The following ASL variants were observed in gnomAD, a reference collection of about 807,000 sequenced individuals.
ASL encodes the protein argininosuccinate lyase.
In ASL, 51 loss-of-function variants were observed where a neutral mutation model predicts 69.1. The ratio of observed to expected loss-of-function variants is 0.74; its 90% CI spans 0.59 to 0.93. The LOEUF (loss-of-function observed/expected upper bound fraction) is 0.93, where lower values mean the gene tolerates loss of function less well. ASL is among the 40% of genes least tolerant of loss of function. ASL has a pLI of 0.00. For missense variants in ASL, 540 were observed against 623.9 expected, an observed-to-expected ratio of 0.87 and a Z score of 1.43; for synonymous variants, 241 against 247.6, an observed-to-expected ratio of 0.97 and a Z score of 0.25.
intron 9 of ASL, 22 bp from the exon 10 acceptor site, chr7:66,087,707 C>G: frequency 6.2e-7 from 1 of 1,614,050 alleles, no homozygotes; most frequent in Non-Finnish European, 8.5e-7. Flanking sequence ...CAGCTTAGCC[C>G]TGCTTCCTCC....
chr7:66,076,984 G>C (rs1786365357), intron 2 of ASL, among the ~76,000 whole-genome samples: 1 of 152,166 alleles, frequency 6.6e-6, no homozygotes, highest in South Asian at 2.1e-4. Flanking sequence ...GGTAGGGCCT[G>C]GACTTTGGAG....
At chr7:66,082,816 G>A in intron 4 of ASL, 64 bp from the exon 5 acceptor site, 1 of 1,603,112 alleles carries the variant, frequency 6.2e-7, no homozygotes, top group Non-Finnish European at 8.5e-7. Context: ...GAGGAAAACT[G>A]CCCTGCCTGG....
chr7:66,083,061 TCTC>T lies in ASL; in HGVS notation c.349-10_349-8del. The stretch of plus-strand genomic sequence containing the variant: ...AACACATCGGCCTCCCTGAGCACCA[TCTC>T]CTCCTTGCACAGGTGGTCACAGACC... On this transcript the variant is annotated splice_polypyrimidine_tract_variant and intron_variant, in intron 5 of 16. Transcript: ENST00000304874. The T allele has an allele frequency of 6.2e-7, 1 of 1,613,598 alleles. No homozygotes were observed. The highest frequency in any genetic ancestry group is 8.5e-7 in the Non-Finnish European group (1 of 1,179,906).
chr7:66,079,871 G>C lies in ASL; in HGVS notation c.13-1932G>C, dbSNP rs530394015. 7.2e-5 allele frequency among the ~76,000 whole-genome samples: 11 copies of C among 152,110 alleles called. No homozygotes were observed. The South Asian group carries it at 2.3e-3, about 32-fold the overall frequency. On this transcript the variant is annotated intron_variant, in intron 2 of 16. Coordinates refer to ENST00000304874, the MANE Select transcript of ASL (RefSeq NM_000048.4). Reference sequence around the variant, plus strand: ...CTGACCTCATGATCCACCCACCTTAGCCTTCCAAAATGCTGGGATTACAGG... The same window carrying C: ...CTGACCTCATGATCCACCCACCTTACCCTTCCAAAATGCTGGGATTACAGG...
intron 2 of ASL, among the ~76,000 whole-genome samples, chr7:66,076,901 C>T (rs745397239): frequency 2.0e-5 from 3 of 152,200 alleles, no homozygotes; most frequent in Admixed American, 6.5e-5. Flanking sequence ...CCTTCATTAG[C>T]TAGCAATTCA....
rs1302228505 is a variant in ASL, at chr7:66,082,877, C to T, written c.292-3C>T. The stretch of plus-strand genomic sequence containing the variant: ...GTGACCCTGGGTCTCCCTTCACCTC[C>T]AGGAGCTCATTGGTGCAACGGCAGG... On this transcript the variant is annotated splice_polypyrimidine_tract_variant and splice_region_variant and intron_variant, in intron 4 of 16. Coordinates refer to ENST00000304874, the MANE Select transcript of ASL (RefSeq NM_000048.4). The T allele has an allele frequency of 2.5e-6, 4 of 1,613,588 alleles. No individual in the cohort carries two copies. In the African/African-American group the frequency reaches 5.3e-5, roughly 22 times the overall value.
At chr7:66,092,135 C>G (rs1369140298) in intron 15 of ASL, 49 bp downstream of exon 15, 3 of 1,596,586 alleles carry the variant, frequency 1.9e-6, no homozygotes, top group Non-Finnish European at 2.6e-6. Context: ...GGTGCCCCCC[C>G]CAGAGGGTGG....
intron 9 of ASL, 49 bp downstream of exon 9, chr7:66,087,435 G>T (rs773016193): frequency 1.9e-6 from 3 of 1,591,286 alleles, no homozygotes; most frequent in South Asian, 1.1e-5. Flanking sequence ...CTCAGCACCC[G>T]CCAAGACCTG....
Position 66,093,106 on chromosome 7 carries a change from A to G in ASL, c.*194A>G. ...GCAAGGTGCGAGGATGCTTGAGGCC[A>G]GGAGTTTGACACAGCCTGGGCAACA... On this transcript the variant is annotated 3_prime_UTR_variant, in exon 17 of 17. Coordinates refer to ENST00000304874, the MANE Select transcript of ASL (RefSeq NM_000048.4). 3.5e-6 allele frequency: 3 copies of G among 857,482 alleles called. No individual in the cohort carries two copies. The South Asian group carries it at 4.9e-5, about 14-fold the overall frequency. 53.1% of individuals were successfully genotyped at this position (857,482 alleles called of 1,614,324 possible). A position where few individuals can be genotyped will look rare whatever the true frequency, so the allele number is the denominator to read the frequency against.
chr7:66,079,971 A>G (rs1357728430), intron 2 of ASL, among the ~76,000 whole-genome samples: 1 of 151,944 alleles, frequency 6.6e-6, no homozygotes, highest in Non-Finnish European at 1.5e-5. Context: ...TGTAGTCCCA[A>G]CTATTGGGGA....
chr7:66,080,385 C>CAAAAAA (rs138360695), intron 2 of ASL, among the ~76,000 whole-genome samples: 2 of 61,332 alleles, frequency 3.3e-5, no homozygotes, highest in Non-Finnish European at 5.6e-5. Context: ...GACTCCATCT[C>CAAAAAA]AAAAAAAAAA....
chr7:66,088,176 A>G (rs373736616), intron 10 of ASL, among the ~76,000 whole-genome samples: 7 of 151,622 alleles, frequency 4.6e-5, no homozygotes, highest in South Asian at 2.1e-4. Context: ...AAAAAATAAA[A>G]TAAAATAAAA....
At chr7:66,088,699 A>C in intron 10 of ASL, 108 bp from the exon 11 acceptor site, 1 of 927,416 alleles carries the variant, frequency 1.1e-6, no homozygotes. Context: ...TTTGCGAAAA[A>C]TGAAAATTTA....
intron 2 of ASL, 71 bp downstream of exon 2, chr7:66,076,164 C>T (rs1786341277): frequency 3.2e-6 from 5 of 1,548,872 alleles, no homozygotes; most frequent in Middle Eastern, 1.7e-4. Flanking sequence ...AGACCTGCCT[C>T]GGGCCACCCT....
At chr7:66,078,393 G>A (rs1461873190) in intron 2 of ASL, among the ~76,000 whole-genome samples, 1 of 152,112 alleles carries the variant, frequency 6.6e-6, no homozygotes, top group Admixed American at 6.6e-5. Context: ...GGGCATAGAG[G>A]AGTCAGCTCA....
chr7:66,082,437 G>T lies in ASL; in HGVS notation c.277G>T (p.Glu93Ter). The T allele has an allele frequency of 6.2e-7, 1 of 1,610,638 alleles. No individual in the cohort carries two copies. The highest frequency in any genetic ancestry group is 1.1e-5 in the South Asian group (1 of 90,078). Reference sequence around the variant, plus strand: ...TGATGAGGACATCCACACAGCCAATGAGCGCCGCCTGAAGGTACGACCCCT... The same window carrying T: ...TGATGAGGACATCCACACAGCCAATTAGCGCCGCCTGAAGGTACGACCCCT... ...SNDEDIHTAN[E>*]RRLKELIGAT... The change falls in exon 4 of 17, where the codon GAG (glutamate) becomes TAG (stop). Residue 93 changes from glutamate to a stop codon, truncating the protein, a stop_gained. Transcript: ENST00000304874. LOFTEE classifies it high-confidence loss of function.
intron 4 of ASL, 74 bp from the exon 5 acceptor site, chr7:66,082,806 G>A (rs1298491205): frequency 1.9e-6 from 3 of 1,588,364 alleles, no homozygotes; most frequent in East Asian, 2.3e-5. Flanking sequence ...CAGGGCTGAT[G>A]AGGAAAACTG....
chr7:66,092,508 A>AGGGCG, intron 15 of ASL, 49 bp from the exon 16 acceptor site: 4 of 1,521,194 alleles, frequency 2.6e-6, no homozygotes. Context: ...GAGGCAGATC[A>AGGGCG]GGGCATGGAG....
chr7:66,086,795 G>A lies in ASL; in HGVS notation c.576G>A (p.Lys192=), dbSNP rs115468878. 1,849 of 1,588,272 alleles carry A rather than the reference G, an allele frequency of 1.2e-3. 22 individuals carry two copies. In the African/African-American group the frequency reaches 0.022, roughly 19 times the overall value. ...CTGAGCGGCTGCTGGAGGTGCGGAA[G>A]CGGATCAATGTCCTGCCCCTGGGGA... is the stretch of plus-strand genomic sequence containing the variant. ...RDSERLLEVR[K]RINVLPLGSG... The change falls in exon 8 of 17, where the codon AAG becomes AAA. Residue 192 remains lysine (K), a synonymous_variant. Transcript: ENST00000304874.
Sources: gnomAD v4.1 joint callset for allele counts (sites outside exome capture counted in the v4.1 genomes callset) on GRCh38, gnomAD v4.1.1 for gene constraint, MANE v1.5 for transcripts, NCBI Gene and HGNC (gene_info 2026-07-23, HGNC 2026-07-21) for gene names.